UST: variants seen among roughly 807,000 people sequenced by gnomAD.
UST encodes the protein chondroitin sulfate 2-O-sulfotransferase.
UST carries 21 observed loss-of-function variants against 45.6 expected under a neutral mutation model. The observed-to-expected ratio is 0.46, with a 90% CI of 0.33 to 0.66. The LOEUF (loss-of-function observed/expected upper bound fraction) is 0.66. UST is among the 30% of genes least tolerant of loss of function. UST has a pLI of 0.02. For missense variants in UST, 463 were observed against 512.4 expected (o/e 0.90, Z 0.93); for synonymous variants, 215 against 200.6 (o/e 1.07, Z -0.61).
intron 1 of UST, among the ~76,000 whole-genome samples, chr6:148,764,168 T>A (rs557223331): frequency 1.3e-5 from 2 of 152,322 alleles, no homozygotes; most frequent in East Asian, 3.9e-4. Context: ...CTACAGTTTT[T>A]TTAATCAATG....
intron 1 of UST, among the ~76,000 whole-genome samples, chr6:148,778,516 C>T (rs915186780): frequency 6.6e-6 from 1 of 152,298 alleles, no homozygotes; most frequent in East Asian, 1.9e-4. Context: ...CTTCCTGAGG[C>T]GAACACTGGC....
chr6:148,929,738 A>G (rs1404292683), intron 2 of UST, among the ~76,000 whole-genome samples: 2 of 152,230 alleles, frequency 1.3e-5, no homozygotes, highest in African/African-American at 4.8e-5. Context: ...GATGTAACAT[A>G]AAGCAGAGAA....
chr6:148,835,089 G>T (rs1240538162), intron 1 of UST, among the ~76,000 whole-genome samples: 2 of 152,120 alleles, frequency 1.3e-5, no homozygotes, highest in African/African-American at 4.8e-5. Flanking sequence ...CTCAGGTTCT[G>T]TGTCTGTGGA....
In UST at chr6:148,987,859, C is replaced by T. The variant is rs142180087; in HGVS notation, c.681+23296C>T. 3.4e-4 allele frequency among the ~76,000 whole-genome samples: 51 copies of T among 152,126 alleles called. 4 individuals carry two copies. In the East Asian group the frequency reaches 6.0e-3, roughly 18 times the overall value. ...TCATCATGTGCTTTCATTCATCAGA[C>T]GTGTATTCGTTCAGCCAAACAGACA... On this transcript the variant is annotated intron_variant, in intron 5 of 7. Transcript: ENST00000367463.
At chr6:148,821,587 G>A (rs1175584395) in intron 1 of UST, among the ~76,000 whole-genome samples, 1 of 152,140 alleles carries the variant, frequency 6.6e-6, no homozygotes, top group Non-Finnish European at 1.5e-5. Context: ...TTTATAAGGA[G>A]CCACTAAAAA....
chr6:148,802,537 A>G (rs555274143), intron 1 of UST, among the ~76,000 whole-genome samples: 1 of 152,342 alleles, frequency 6.6e-6, no homozygotes, highest in African/African-American at 2.4e-5. Flanking sequence ...TAAGGGCTTC[A>G]GAGATCACTT....
chr6:148,829,636 G>A (rs934628596), intron 1 of UST, among the ~76,000 whole-genome samples: 9 of 152,052 alleles, frequency 5.9e-5, no homozygotes, highest in African/African-American at 2.2e-4. Context: ...TGTTCTCCTG[G>A]TTTCATGACT....
At chr6:148,860,631 T>A (rs1405159485) in intron 1 of UST, among the ~76,000 whole-genome samples, 2 of 152,292 alleles carry the variant, frequency 1.3e-5, no homozygotes, top group East Asian at 3.9e-4. Context: ...TGGCTGTGGG[T>A]TTGTCATAAA....
intron 1 of UST, among the ~76,000 whole-genome samples, chr6:148,814,807 C>T (rs1253846691): frequency 2.0e-5 from 3 of 152,186 alleles, no homozygotes; most frequent in African/African-American, 7.2e-5. Context: ...CATATCTCTT[C>T]AGGGTGATGG....
At chr6:149,038,756 G>A (rs1321398728) in intron 7 of UST, among the ~76,000 whole-genome samples, 2 of 152,184 alleles carry the variant, frequency 1.3e-5, no homozygotes, top group African/African-American at 4.8e-5. Context: ...AGGACAAAGA[G>A]CCTTCAAAGA....
chr6:148,767,465 G>T (rs1199850797), intron 1 of UST, among the ~76,000 whole-genome samples: 2 of 152,198 alleles, frequency 1.3e-5, no homozygotes, highest in Non-Finnish European at 2.9e-5. Context: ...CAAACCAACT[G>T]GTCTTAGAGA....
intron 7 of UST, among the ~76,000 whole-genome samples, chr6:149,070,964 C>T (rs1776810435): frequency 6.6e-6 from 1 of 152,122 alleles, no homozygotes; most frequent in Non-Finnish European, 1.5e-5. Flanking sequence ...GACAGGGTTT[C>T]ACCATGTTGG....
intron 1 of UST, among the ~76,000 whole-genome samples, chr6:148,810,292 A>C (rs1777230854): frequency 6.6e-6 from 1 of 152,212 alleles, no homozygotes; most frequent in Admixed American, 6.5e-5. Context: ...CCCATAGATC[A>C]GGATTAGAAT....
intron 2 of UST, among the ~76,000 whole-genome samples, chr6:148,898,878 G>A (rs1415178459): frequency 6.6e-6 from 1 of 152,146 alleles, no homozygotes; most frequent in African/African-American, 2.4e-5. Flanking sequence ...GGGCTGGGCT[G>A]TCTATAACAA....
chr6:148,798,215 T>C (rs982061303), intron 1 of UST, among the ~76,000 whole-genome samples: 3 of 152,226 alleles, frequency 2.0e-5, no homozygotes, highest in African/African-American at 7.2e-5. Context: ...AGATTGAATG[T>C]GGACTCAGGG....
intron 2 of UST, among the ~76,000 whole-genome samples, chr6:148,920,653 T>C (rs1274437255): frequency 6.6e-6 from 1 of 152,172 alleles, no homozygotes; most frequent in Non-Finnish European, 1.5e-5. Flanking sequence ...CTCAGCCTCC[T>C]GAGTAGCTGG....
chr6:149,051,776 C>G (rs1407863807), intron 7 of UST, among the ~76,000 whole-genome samples: 1 of 152,024 alleles, frequency 6.6e-6, no homozygotes, highest in Admixed American at 6.6e-5. Context: ...ACTTTTCTTC[C>G]TTTTTTATTA....
At chr6:148,861,890 C>T (rs1461017759) in intron 1 of UST, among the ~76,000 whole-genome samples, 1 of 152,172 alleles carries the variant, frequency 6.6e-6, no homozygotes, top group Non-Finnish European at 1.5e-5. Context: ...TGTTCTTTTA[C>T]ATTTGCTGAG....
rs371224714 is a variant in UST, at chr6:149,008,700, G to A, written c.682-10439G>A. On this transcript the variant is annotated intron_variant, in intron 5 of 7. Coordinates refer to ENST00000367463, the MANE Select transcript of UST (RefSeq NM_005715.3). ...TGGATAAAGCAAGAGGCTGACAGCA[G>A]AAGGATGAACTGGAGATGTCTATAT... Among the ~76,000 whole-genome samples, 44 of 152,232 alleles carry A rather than the reference G, an allele frequency of 2.9e-4. 1 individual carries two copies. The South Asian group carries it at 6.4e-3, about 22-fold the overall frequency.
Sources: allele counts gnomAD v4.1 joint callset (sites outside exome capture counted in the v4.1 genomes callset), GRCh38; gene constraint gnomAD v4.1.1; transcripts MANE v1.5; gene names NCBI Gene and HGNC (gene_info 2026-07-23, HGNC 2026-07-21).